SAXO3: variants seen among roughly 807,000 people sequenced by gnomAD.
SAXO3 encodes the protein stabilizer of axonemal microtubules 3, also known as CTB-60B18.10.
At chr19:49,019,067 T>A in the SAXO3 span, 1 of 1,463,694 alleles carries the variant, frequency 6.8e-7, no homozygotes, top group Non-Finnish European at 9.0e-7. Flanking sequence ...AAGCCCTGGG[T>A]CCCGAGTTCA....
chr19:49,018,439 T>C, the SAXO3 span: 2 of 732,868 alleles, frequency 2.7e-6, no homozygotes, highest in Non-Finnish European at 3.8e-6. Context: ...AACTCCTGCA[T>C]TTCCAGGCGA....
At chr19:49,018,474 C>G in the SAXO3 span, 104 of 508,204 alleles carry the variant, frequency 2.0e-4, 1 homozygote, top group African/African-American at 1.1e-3. Context: ...GGACGCGACC[C>G]GGCACGCGTT....
At chr19:49,019,078 G>A in the SAXO3 span, 1 of 1,457,168 alleles carries the variant, frequency 6.9e-7, no homozygotes, top group Middle Eastern at 2.5e-4. Context: ...CCCGAGTTCA[G>A]AATCCCTCTC....
the SAXO3 span, chr19:49,019,497 C>A: frequency 8.6e-7 from 1 of 1,165,190 alleles, no homozygotes; most frequent in Non-Finnish European, 1.1e-6. Flanking sequence ...CTGGCCTGGC[C>A]TAATGCCCAG....
the SAXO3 span, chr19:49,018,173 G>A: frequency 2.7e-5 from 11 of 411,896 alleles, no homozygotes; most frequent in Non-Finnish European, 4.2e-5. Context: ...GTGCGGCATG[G>A]CCGAGGTCAC....
chr19:49,019,967 C>T, the SAXO3 span: 4 of 1,515,026 alleles, frequency 2.6e-6, no homozygotes, highest in Non-Finnish European at 3.5e-6. Context: ...CTCTGGGGCT[C>T]TGGGCTGGGC....
chr19:49,018,705 C>CT, the SAXO3 span, among the ~76,000 whole-genome samples: 429 of 150,648 alleles, frequency 2.8e-3, 2 homozygotes, highest in African/African-American at 0.01. Context: ...CTCCTGGGTG[C>CT]TTAAAAAAAA....
At chr19:49,018,829 C>T in the SAXO3 span, 2 of 1,475,080 alleles carry the variant, frequency 1.4e-6, no homozygotes, top group Non-Finnish European at 1.8e-6. Flanking sequence ...CCGGCCACGG[C>T]GGGGGCTGTG....
chr19:49,019,295 G>T, the SAXO3 span: 1 of 1,086,686 alleles, frequency 9.2e-7, no homozygotes, highest in Non-Finnish European at 1.2e-6. Flanking sequence ...CCCTGGTTCC[G>T]CTCTGTCTTA....
chr19:49,019,247 G>C, the SAXO3 span: 1 of 1,324,598 alleles, frequency 7.5e-7, no homozygotes, highest in East Asian at 3.0e-5. Context: ...GCTGTTCAAG[G>C]AACTCAAACC....
At chr19:49,020,527 C>G in the SAXO3 span, 4 of 398,642 alleles carry the variant, frequency 1.0e-5, no homozygotes, top group Admixed American at 4.4e-5. Context: ...GTTCCACCCC[C>G]ACTCCGTAGC....
At chr19:49,018,510 A>G in the SAXO3 span, among the ~76,000 whole-genome samples, 2 of 152,054 alleles carry the variant, frequency 1.3e-5, no homozygotes, top group Non-Finnish European at 2.9e-5. Context: ...TCCTCGAGGT[A>G]CTTAACGTCC....
chr19:49,020,486 A>ACAGC, the SAXO3 span: 1 of 398,846 alleles, frequency 2.5e-6, no homozygotes, highest in Non-Finnish European at 4.4e-6. Context: ...CAGAGATACG[A>ACAGC]CAGCCCGGAG....
At chr19:49,019,884 G>C in the SAXO3 span, 1 of 1,389,288 alleles carries the variant, frequency 7.2e-7, no homozygotes, top group Non-Finnish European at 9.8e-7. Flanking sequence ...GTCCCCTGCG[G>C]ACTCCGGCAC....
chr19:49,019,650 G>C, the SAXO3 span: 1 of 1,264,010 alleles, frequency 7.9e-7, no homozygotes, highest in South Asian at 2.4e-5. Flanking sequence ...CAGACACCTG[G>C]GAAGGACCCC....
At chr19:49,020,088 G>A in the SAXO3 span, 12 of 1,374,766 alleles carry the variant, frequency 8.7e-6, no homozygotes, top group Admixed American at 3.4e-4. Context: ...GCAACTTGGG[G>A]TAGAGGGTCC....
chr19:49,019,599 T>C, the SAXO3 span: 1 of 1,248,356 alleles, frequency 8.0e-7, no homozygotes, highest in South Asian at 2.6e-5. Context: ...CGCCCCAGGC[T>C]CCCGGAGCTC....
chr19:49,020,021 G>A, the SAXO3 span: 1 of 1,471,082 alleles, frequency 6.8e-7, no homozygotes, highest in Admixed American at 2.6e-5. Context: ...CGAGCCAGAG[G>A]TTGTCTCCCA....
At chr19:49,020,282 C>T in the SAXO3 span, 4 of 442,550 alleles carry the variant, frequency 9.0e-6, no homozygotes, top group Non-Finnish European at 1.2e-5. Context: ...CCTCCTCCTT[C>T]AGAGAGGAGT....
Sources: gnomAD v4.1 joint callset for allele counts (sites outside exome capture counted in the v4.1 genomes callset) on GRCh38, gnomAD v4.1.1 for gene constraint, MANE v1.5 for transcripts, NCBI Gene and HGNC (gene_info 2026-07-23, HGNC 2026-07-21) for gene names.